LRRC37A2: variants seen among roughly 807,000 people sequenced by gnomAD.
LRRC37A2 encodes leucine rich repeat containing 37 member A2.
In LRRC37A2, 9 loss-of-function variants were observed where a neutral mutation model predicts 68.8. The observed-to-expected ratio is 0.13, with a 90% CI of 0.08 to 0.23. The LOEUF (loss-of-function observed/expected upper bound fraction) is 0.23, where lower values mean the gene tolerates loss of function less well. Ranked by LOEUF, LRRC37A2 falls within the 10% of genes least tolerant of loss-of-function variation. LRRC37A2 has a pLI of 1.00. For missense variants in LRRC37A2, 168 were observed against 950.4 expected, an observed-to-expected ratio of 0.18 and a Z score of 10.82; for synonymous variants, 63 against 367.6, an observed-to-expected ratio of 0.17 and a Z score of 9.48.
the LRRC37A2 span, among the ~76,000 whole-genome samples, chr17:46,867,882 A>G: frequency 6.6e-6 from 1 of 152,070 alleles, no homozygotes; most frequent in Non-Finnish European, 1.5e-5. Context: ...GCCAGAGGTC[A>G]TCGCATGTGT....
At chr17:46,884,903 A>T in the LRRC37A2 span, 8 of 337,398 alleles carry the variant, frequency 2.4e-5, no homozygotes, top group East Asian at 8.5e-4. Flanking sequence ...GACTTGGTTC[A>T]AATATCTCCA....
At chr17:46,888,523 C>T in the LRRC37A2 span, among the ~76,000 whole-genome samples, 1 of 152,102 alleles carries the variant, frequency 6.6e-6, no homozygotes, top group Non-Finnish European at 1.5e-5. Context: ...CATAACACTG[C>T]TGCGGCATTT....
chr17:46,771,905 C>A, the LRRC37A2 span, among the ~76,000 whole-genome samples: 1 of 145,648 alleles, frequency 6.9e-6, no homozygotes, highest in South Asian at 2.1e-4. Flanking sequence ...CCCCCGCCCC[C>A]GCCTGGGGAA....
At chr17:46,684,629 C>G in the LRRC37A2 span, among the ~76,000 whole-genome samples, 1 of 151,852 alleles carries the variant, frequency 6.6e-6, no homozygotes, top group Admixed American at 6.6e-5. Flanking sequence ...TTTGACAAAC[C>G]TGACAAAAAC....
the LRRC37A2 span, among the ~76,000 whole-genome samples, chr17:46,804,784 T>A: frequency 6.6e-6 from 1 of 152,194 alleles, no homozygotes; most frequent in African/African-American, 2.4e-5. Context: ...ATCAGTGCTC[T>A]GTAAGAATGC....
chr17:46,742,548 T>A, the LRRC37A2 span, among the ~76,000 whole-genome samples: 4 of 152,128 alleles, frequency 2.6e-5, no homozygotes, highest in Non-Finnish European at 5.9e-5. Flanking sequence ...CGATCCAAAC[T>A]GGAGGAGGGA....
chr17:46,522,635 AG>A (rs2052432214), intron 4 of LRRC37A2, among the ~76,000 whole-genome samples: 2 of 65,636 alleles, frequency 3.0e-5, no homozygotes, highest in East Asian at 5.4e-4. Flanking sequence ...TTGTAGAGAC[AG>A]GGTTTCACCG....
the LRRC37A2 span, among the ~76,000 whole-genome samples, chr17:47,014,955 G>A: frequency 6.6e-6 from 1 of 150,736 alleles, no homozygotes; most frequent in East Asian, 1.9e-4. Flanking sequence ...TATGATGGTG[G>A]TTCCGTAAGC....
At chr17:46,711,202 A>C in the LRRC37A2 span, 1 of 1,277,316 alleles carries the variant, frequency 7.8e-7, no homozygotes, top group Non-Finnish European at 1.0e-6. Context: ...CATTCTAGAA[A>C]AGTGAATTCT....
the LRRC37A2 span, among the ~76,000 whole-genome samples, chr17:46,750,328 G>T: frequency 3.3e-5 from 5 of 152,312 alleles, no homozygotes; most frequent in Non-Finnish European, 7.4e-5. Context: ...ACTCCAGTCT[G>T]GGTGAGGGAG....
At chr17:46,858,522 T>C in the LRRC37A2 span, among the ~76,000 whole-genome samples, 1 of 152,150 alleles carries the variant, frequency 6.6e-6, no homozygotes, top group Admixed American at 6.6e-5. Context: ...TATCTTTCGG[T>C]CCTCCAGGCT....
At chr17:46,908,784 AT>A in the LRRC37A2 span, among the ~76,000 whole-genome samples, 2 of 152,130 alleles carry the variant, frequency 1.3e-5, no homozygotes, top group African/African-American at 4.8e-5. Flanking sequence ...TGAAAGTCCC[AT>A]TCACCTCCAA....
the LRRC37A2 span, chr17:46,921,243 G>A: frequency 6.6e-6 from 1 of 152,208 alleles, no homozygotes; most frequent in East Asian, 1.9e-4. Context: ...TCTAACCATC[G>A]TTTTTGAAAT....
the LRRC37A2 span, among the ~76,000 whole-genome samples, chr17:46,793,875 G>A: frequency 6.6e-6 from 1 of 152,188 alleles, no homozygotes; most frequent in African/African-American, 2.4e-5. Context: ...AAGTGGAGGT[G>A]GAGTTGGACC....
At chr17:46,722,787 T>C in the LRRC37A2 span, among the ~76,000 whole-genome samples, 1 of 152,152 alleles carries the variant, frequency 6.6e-6, no homozygotes, top group African/African-American at 2.4e-5. Context: ...TGTATTTAAA[T>C]TAGAGCAGAG....
At chr17:47,008,433 G>C in the LRRC37A2 span, among the ~76,000 whole-genome samples, 1 of 150,682 alleles carries the variant, frequency 6.6e-6, no homozygotes, top group Non-Finnish European at 1.5e-5. Context: ...ATTCCAATTT[G>C]TATGTTGCAT....
At chr17:46,712,892 G>T in the LRRC37A2 span, among the ~76,000 whole-genome samples, 2 of 152,194 alleles carry the variant, frequency 1.3e-5, no homozygotes, top group East Asian at 3.8e-4. Flanking sequence ...GGGGAATTAT[G>T]AATTGTATCA....
the LRRC37A2 span, among the ~76,000 whole-genome samples, chr17:46,775,905 G>A: frequency 3.3e-5 from 5 of 152,226 alleles, no homozygotes; most frequent in South Asian, 2.1e-4. Context: ...GAGCCACCAC[G>A]CCCGGCCCAG....
chr17:46,891,664 C>T, the LRRC37A2 span, among the ~76,000 whole-genome samples: 1 of 152,148 alleles, frequency 6.6e-6, no homozygotes, highest in African/African-American at 2.4e-5. Context: ...CCATGAAATG[C>T]TTCCCGTTCC....
Sources: allele counts gnomAD v4.1 joint callset (sites outside exome capture counted in the v4.1 genomes callset), GRCh38; gene constraint gnomAD v4.1.1; transcripts MANE v1.5; gene names NCBI Gene and HGNC (gene_info 2026-07-23, HGNC 2026-07-21).